STAB2: variants seen among roughly 807,000 people sequenced by gnomAD.
STAB2 encodes stabilin-2.
In STAB2, 288 loss-of-function variants were observed where a neutral mutation model predicts 338.1. The observed-to-expected ratio is 0.85, with a 90% CI of 0.77 to 0.94. STAB2 has a LOEUF of 0.94. STAB2 is among the 40% of genes least tolerant of loss of function. The probability of loss-of-function intolerance (pLI) is 0.00; values close to 1 mark genes in which losing one functional copy is unlikely to be tolerated. For synonymous variants in STAB2, 1,202 were observed against 1,193.3 expected (o/e 1.01, Z -0.15); for missense variants, 3,141 against 3,210.1 (o/e 0.98, Z 0.52).
chr12:103,590,044 C>T (rs1027741841), intron 1 of STAB2, among the ~76,000 whole-genome samples: 9 of 151,992 alleles, frequency 5.9e-5, no homozygotes, highest in Non-Finnish European at 1.3e-4. Flanking sequence ...CAAAGCTGCT[C>T]CATCTTAAGC....
intron 51 of STAB2, among the ~76,000 whole-genome samples, chr12:103,733,462 C>T (rs1301114745): frequency 6.6e-6 from 1 of 152,128 alleles, no homozygotes; most frequent in African/African-American, 2.4e-5. Context: ...TGCAGATCAG[C>T]GTTTCCTCCT....
intron 3 of STAB2, among the ~76,000 whole-genome samples, chr12:103,605,977 T>C (rs1230205227): frequency 6.6e-6 from 1 of 152,118 alleles, no homozygotes; most frequent in Non-Finnish European, 1.5e-5. Flanking sequence ...AAACCATTTA[T>C]ATTTAATGCG....
intron 43 of STAB2, among the ~76,000 whole-genome samples, chr12:103,717,274 C>T (rs1200898444): frequency 6.6e-6 from 1 of 152,234 alleles, no homozygotes; most frequent in Non-Finnish European, 1.5e-5. Flanking sequence ...CACCCAACTT[C>T]CTGGGCCAAC....
At chr12:103,643,350 A>C (rs1873061249) in intron 9 of STAB2, among the ~76,000 whole-genome samples, 1 of 152,158 alleles carries the variant, frequency 6.6e-6, no homozygotes, top group Non-Finnish European at 1.5e-5. Context: ...CAAACATGCC[A>C]TGGTGCTCCC....
intron 1 of STAB2, among the ~76,000 whole-genome samples, chr12:103,590,170 C>T (rs1302888577): frequency 6.6e-6 from 1 of 152,158 alleles, no homozygotes; most frequent in African/African-American, 2.4e-5. Flanking sequence ...CTGGATCATT[C>T]AATTTAGTAG....
chr12:103,655,548 G>T lies in STAB2; in HGVS notation c.1701G>T (p.Lys567Asn). The T allele has an allele frequency of 6.2e-7, 1 of 1,613,834 alleles. No individual in the cohort carries two copies. The highest frequency in any genetic ancestry group is 8.5e-7 in the Non-Finnish European group (1 of 1,179,998). ...ATAATGAAGCATTGAATAACATGAA[G>T]GACGGCACTCTCGATTACCTCCTTT... ...VPNNEALNNMKDGTLDYLLSP... is the reference protein window; with the variant it reads ...VPNNEALNNMNDGTLDYLLSP... Residue 567 changes from lysine (K) to asparagine (N), a missense_variant, in exon 15 of 69, where the codon AAG becomes AAT. Physicochemically the swap from Lys to Asn is moderately conservative, Grantham distance 94. Coordinates refer to ENST00000388887, the MANE Select transcript of STAB2 (RefSeq NM_017564.10).
At chr12:103,694,202 C>G (rs1241157997) in intron 31 of STAB2, among the ~76,000 whole-genome samples, 2 of 152,072 alleles carry the variant, frequency 1.3e-5, no homozygotes, top group Non-Finnish European at 2.9e-5. Context: ...TGCTGTGCAC[C>G]CCTGTTTGGG....
rs114174188 is a variant in STAB2, at chr12:103,671,524, G to C, written c.2371+717G>C. ...ATCAGCTCCTTTATTTGCAAGGCCT[G>C]TGGCCTTGGGCAAGTTACTCTACTT... On this transcript the variant is annotated intron_variant, in intron 22 of 68. Transcript: ENST00000388887. 6.2e-3 allele frequency among the ~76,000 whole-genome samples: 945 copies of C among 152,218 alleles called. 9 individuals are homozygous for C. Among genetic ancestry groups the C allele is most frequent in the African/African-American group, 0.022 (900 of 41,542 alleles).
At chr12:103,668,818 C>A in intron 20 of STAB2, 89 bp downstream of exon 20, 1 of 1,180,718 alleles carries the variant, frequency 8.5e-7, no homozygotes, top group Non-Finnish European at 1.2e-6. Flanking sequence ...TCCACGTGGT[C>A]ACAGGTGGCC....
chr12:103,640,034 T>C (rs1270146198), intron 8 of STAB2, 89 bp from the exon 9 acceptor site: 5 of 1,469,110 alleles, frequency 3.4e-6, no homozygotes, highest in Admixed American at 4.3e-5. Flanking sequence ...TGAGTTTTTA[T>C]GGAAGAATAA....
chr12:103,603,764 G>T (rs1052582967), intron 3 of STAB2, among the ~76,000 whole-genome samples: 1 of 152,180 alleles, frequency 6.6e-6, no homozygotes, highest in African/African-American at 2.4e-5. Flanking sequence ...GTCCTCCTAA[G>T]ATTTTAATTC....
At position 103,738,101 on chromosome 12, in the gene STAB2, GTCAC is replaced by G. The variant is rs1400250924; in HGVS notation, c.5697+329_5697+332del. On this transcript the variant is annotated intron_variant, in intron 53 of 68. Coordinates refer to ENST00000388887, the MANE Select transcript of STAB2 (RefSeq NM_017564.10). Reference sequence around the variant, plus strand: ...GTTTTCAAACACATCCCTCTATTCAGTCACTCACTCATGCATTCAACAAATATTT... The same window carrying G: ...GTTTTCAAACACATCCCTCTATTCAGTCACTCATGCATTCAACAAATATTT... Among the ~76,000 whole-genome samples the G allele has an allele frequency of 2.0e-5, 3 of 152,048 alleles. No individual in the cohort carries two copies. The East Asian group carries it at 5.8e-4, about 29-fold the overall frequency.
At chr12:103,714,254 T>A (rs2139014691) in intron 42 of STAB2, among the ~76,000 whole-genome samples, 1 of 152,342 alleles carries the variant, frequency 6.6e-6, no homozygotes, top group Non-Finnish European at 1.5e-5. Context: ...ACCTCTAACA[T>A]TATTTAAATA....
chr12:103,619,899 T>C (rs1048049869), intron 3 of STAB2, among the ~76,000 whole-genome samples: 1 of 152,124 alleles, frequency 6.6e-6, no homozygotes, highest in African/African-American at 2.4e-5. Flanking sequence ...TCCTTTCCTT[T>C]TAAGCATAGC....
chr12:103,608,617 G>A (rs1475961903), intron 3 of STAB2, among the ~76,000 whole-genome samples: 2 of 152,144 alleles, frequency 1.3e-5, no homozygotes, highest in Admixed American at 6.5e-5. Context: ...TTGCAAAAAT[G>A]TTCTCCCATT....
In STAB2 at chr12:103,638,126, G is replaced by C. The variant is rs770203819; in HGVS notation, c.820G>C (p.Val274Leu). 3 of 1,614,090 alleles carry C rather than the reference G, an allele frequency of 1.9e-6. No individual in the cohort carries two copies. Among genetic ancestry groups the C allele is most frequent in the African/African-American group, 2.7e-5 (2 of 74,922 alleles). ...CQEGYRGDGQVCLPVDPCQIN... is the reference protein window; with the variant it reads ...CQEGYRGDGQLCLPVDPCQIN... ...AGAAGGCTACCGTGGGGATGGCCAA[G>C]TGTGCTTGCCTGTGGACCCCTGCCA... is the stretch of plus-strand genomic sequence containing the variant. Residue 274 changes from valine (V) to leucine (L), a missense_variant, in exon 8 of 69, where the codon GTG (valine) becomes CTG (leucine). Coordinates refer to ENST00000388887, the MANE Select transcript of STAB2 (RefSeq NM_017564.10).
At chr12:103,696,799 A>C (rs1318190681) in intron 33 of STAB2, among the ~76,000 whole-genome samples, 1 of 152,138 alleles carries the variant, frequency 6.6e-6, no homozygotes, top group African/African-American at 2.4e-5. Flanking sequence ...GGATTCTTCC[A>C]GCTTCCTGGG....
At chr12:103,701,537 A>G (rs115711537) in intron 34 of STAB2, among the ~76,000 whole-genome samples, 268 of 152,334 alleles carry the variant, frequency 1.8e-3, no homozygotes, top group African/African-American at 6.1e-3. Context: ...CAAAATTTCA[A>G]TGTGATCCAT....
chr12:103,674,738 C>A (rs1041834664), intron 23 of STAB2, among the ~76,000 whole-genome samples: 1 of 152,192 alleles, frequency 6.6e-6, no homozygotes, highest in Non-Finnish European at 1.5e-5. Flanking sequence ...CTAAATTATC[C>A]TGGGAAATGC....
Sources: allele counts gnomAD v4.1 joint callset (sites outside exome capture counted in the v4.1 genomes callset), GRCh38; gene constraint gnomAD v4.1.1; transcripts MANE v1.5; gene names NCBI Gene and HGNC (gene_info 2026-07-23, HGNC 2026-07-21).